The following QTGAL variants were observed in gnomAD, a reference collection of about 807,000 sequenced individuals.
QTGAL encodes the protein queuosine-tRNA galactosyltransferase, also known as BGnT-like protein 1.
the QTGAL span, among the ~76,000 whole-genome samples, chr17:83,018,883 G>A: frequency 2.6e-5 from 4 of 152,218 alleles, no homozygotes; most frequent in African/African-American, 9.6e-5. Flanking sequence ...CTGGGACATG[G>A]AGCTGTTTCT....
chr17:83,035,573 C>T, the QTGAL span, among the ~76,000 whole-genome samples: 1 of 152,110 alleles, frequency 6.6e-6, no homozygotes, highest in Non-Finnish European at 1.5e-5. Context: ...AGACAATATT[C>T]CACCTTTGGT....
the QTGAL span, chr17:83,048,668 C>A: frequency 6.2e-7 from 1 of 1,612,396 alleles, no homozygotes; most frequent in African/African-American, 1.3e-5. Flanking sequence ...TTCCTACAAA[C>A]CTTACTGGCA....
chr17:83,050,570 AAAAAAAACAAAC>A, the QTGAL span, among the ~76,000 whole-genome samples: 1 of 151,580 alleles, frequency 6.6e-6, no homozygotes, highest in African/African-American at 2.4e-5. Context: ...AAAAGGCTGG[AAAAAAAACAAAC>A]AAAAAAACAA....
chr17:82,951,306 C>T, the QTGAL span, among the ~76,000 whole-genome samples: 12 of 152,240 alleles, frequency 7.9e-5, no homozygotes, highest in Admixed American at 7.8e-4. Flanking sequence ...CCTGCTGCCT[C>T]ACCTCACACT....
the QTGAL span, among the ~76,000 whole-genome samples, chr17:83,009,351 G>A: frequency 2.3e-4 from 35 of 152,212 alleles, no homozygotes; most frequent in African/African-American, 8.2e-4. Context: ...TTGAACCTGG[G>A]AGGCGGAGGT....
chr17:83,030,040 C>T, the QTGAL span, among the ~76,000 whole-genome samples: 1 of 152,172 alleles, frequency 6.6e-6, no homozygotes, highest in Non-Finnish European at 1.5e-5. Context: ...GTTATAATCA[C>T]AGAGACAAGT....
At chr17:83,037,577 C>T in the QTGAL span, among the ~76,000 whole-genome samples, 1 of 152,224 alleles carries the variant, frequency 6.6e-6, no homozygotes, top group Non-Finnish European at 1.5e-5. This position sits in a 1 kb window ranked among gnomAD's most constrained non-coding sequence, Gnocchi z 5.2. Context: ...AGGGCCGCTG[C>T]AGCCAAGCCT....
chr17:82,972,389 C>T, the QTGAL span, among the ~76,000 whole-genome samples: 1 of 131,420 alleles, frequency 7.6e-6, no homozygotes, highest in Non-Finnish European at 1.6e-5. Flanking sequence ...GACCACACCA[C>T]ACCACAGGGG....
chr17:83,024,734 T>C, the QTGAL span, among the ~76,000 whole-genome samples: 33,061 of 152,224 alleles, frequency 0.22, 3,617 homozygotes, highest in Non-Finnish European at 0.24. Flanking sequence ...CTGAGGGTCA[T>C]GATGCCCGCA....
At chr17:83,027,756 A>G in the QTGAL span, among the ~76,000 whole-genome samples, 2 of 151,834 alleles carry the variant, frequency 1.3e-5, no homozygotes, top group Admixed American at 1.3e-4. Context: ...AATATCCACA[A>G]TCTATATACC....
At chr17:82,963,290 A>G in the QTGAL span, among the ~76,000 whole-genome samples, 5 of 152,140 alleles carry the variant, frequency 3.3e-5, no homozygotes, top group Admixed American at 6.5e-5. Context: ...TTCCTTCCCC[A>G]GGGCTCGTCC....
the QTGAL span, chr17:82,957,286 C>CT: frequency 1.2e-6 from 2 of 1,613,934 alleles, no homozygotes; most frequent in African/African-American, 2.7e-5. Flanking sequence ...CTGGACAGGC[C>CT]GGGGCCAGGG....
chr17:83,029,197 C>T, the QTGAL span, among the ~76,000 whole-genome samples: 15 of 152,308 alleles, frequency 9.8e-5, no homozygotes, highest in South Asian at 2.1e-4. Flanking sequence ...AAATTTCACA[C>T]GGAAATCCTG....
chr17:83,047,177 G>A, the QTGAL span, among the ~76,000 whole-genome samples: 1 of 152,202 alleles, frequency 6.6e-6, no homozygotes, highest in Non-Finnish European at 1.5e-5. Flanking sequence ...TCTAGTGAGG[G>A]CCCCTTCCTG....
the QTGAL span, among the ~76,000 whole-genome samples, chr17:83,012,885 G>A: frequency 6.6e-6 from 1 of 151,958 alleles, no homozygotes; most frequent in African/African-American, 2.4e-5. Context: ...TGTGGCTGGG[G>A]TAGAAATCAC....
At chr17:82,980,355 C>T in the QTGAL span, among the ~76,000 whole-genome samples, 541 of 152,294 alleles carry the variant, frequency 3.6e-3, 1 homozygote, top group African/African-American at 0.012. Context: ...ACCAAGCAAA[C>T]CATCAGTTCT....
chr17:83,006,584 A>C, the QTGAL span: 1 of 985,312 alleles, frequency 1.0e-6, no homozygotes, highest in African/African-American at 1.7e-5. The surrounding 1 kb of genome is among the most constrained non-coding windows in gnomAD (Gnocchi z 5.8). Context: ...CCTTACAGCC[A>C]CTGGCAGCCC....
At chr17:83,010,942 G>A in the QTGAL span, among the ~76,000 whole-genome samples, 1 of 152,374 alleles carries the variant, frequency 6.6e-6, no homozygotes, top group South Asian at 2.1e-4. Flanking sequence ...GAGGGTGGGT[G>A]AGGCTGTACC....
At chr17:83,011,500 G>A in the QTGAL span, 1 of 152,192 alleles carries the variant, frequency 6.6e-6, no homozygotes, top group Non-Finnish European at 1.5e-5. Flanking sequence ...CCACGAACCA[G>A]CAACTGCAAA....
Sources: allele counts gnomAD v4.1 joint callset (sites outside exome capture counted in the v4.1 genomes callset), GRCh38; gene constraint gnomAD v4.1.1; non-coding constraint Gnocchi (gnomAD v3.1); transcripts MANE v1.5; gene names NCBI Gene and HGNC (gene_info 2026-07-23, HGNC 2026-07-21).